Variants in GPR158 observed in about 807,000 individuals in gnomAD.
The protein encoded by GPR158 is G protein-coupled receptor 158.
GPR158 carries 30 observed loss-of-function variants against 78.2 expected under a neutral mutation model. The observed-to-expected ratio is 0.38, with a 90% confidence interval of 0.29 to 0.52. The LOEUF is 0.52. GPR158 is among the 20% of genes least tolerant of loss of function. The pLI is 0.83. For missense variants in GPR158, 1,463 were observed against 1,523.5 expected, an observed-to-expected ratio of 0.96 and a Z score of 0.66; for synonymous variants, 581 against 591.1, an observed-to-expected ratio of 0.98 and a Z score of 0.25.
intron 2 of GPR158, among the ~76,000 whole-genome samples, chr10:25,274,663 T>C (rs181674174): frequency 6.6e-6 from 1 of 152,320 alleles, no homozygotes; most frequent in Admixed American, 6.5e-5. Context: ...GTGCAGATGG[T>C]TTAAAAATTA....
intron 5 of GPR158, among the ~76,000 whole-genome samples, chr10:25,508,011 G>A (rs924533529): frequency 6.6e-6 from 1 of 152,130 alleles, no homozygotes; most frequent in Non-Finnish European, 1.5e-5. Flanking sequence ...AACAAAAAAG[G>A]CGGGATGATT....
intron 5 of GPR158, among the ~76,000 whole-genome samples, chr10:25,481,702 C>T (rs904149750): frequency 1.3e-5 from 2 of 152,172 alleles, no homozygotes; most frequent in African/African-American, 2.4e-5. Context: ...AATCGCCAAA[C>T]TCTTTTCCAA....
intron 2 of GPR158, among the ~76,000 whole-genome samples, chr10:25,254,630 A>G (rs1482077143): frequency 1.3e-5 from 2 of 152,200 alleles, no homozygotes; most frequent in Non-Finnish European, 2.9e-5. Context: ...ATATAACTGC[A>G]TTTAATTATA....
At chr10:25,429,694 G>C (rs1473434328) in intron 4 of GPR158, among the ~76,000 whole-genome samples, 1 of 150,372 alleles carries the variant, frequency 6.7e-6, no homozygotes, top group Admixed American at 6.7e-5. Flanking sequence ...TGGGATGCAA[G>C]GCTGGTTCAA....
At chr10:25,503,770 C>T (rs1304007349) in intron 5 of GPR158, among the ~76,000 whole-genome samples, 1 of 152,202 alleles carries the variant, frequency 6.6e-6, no homozygotes, top group Non-Finnish European at 1.5e-5. Context: ...ACAGCTCCCA[C>T]TCTCACTGTT....
intron 2 of GPR158, among the ~76,000 whole-genome samples, chr10:25,256,533 T>C (rs932665511): frequency 1.3e-5 from 2 of 151,754 alleles, no homozygotes; most frequent in African/African-American, 4.8e-5. Flanking sequence ...GTGGCACATG[T>C]GTATGCACAT....
intron 10 of GPR158, 55 bp downstream of exon 10, chr10:25,596,844 G>T: frequency 1.3e-6 from 2 of 1,525,168 alleles, no homozygotes; most frequent in Admixed American, 3.5e-5. Flanking sequence ...ATTTATACAG[G>T]CAGGCGTGTG....
chr10:25,550,907 T>C (rs529528014), intron 5 of GPR158, 69 bp from the exon 6 acceptor site: 1 of 792,534 alleles, frequency 1.3e-6, no homozygotes, highest in African/African-American at 1.7e-5. Context: ...CATCAGGTTA[T>C]GAGATATTGA....
Position 25,338,659 on chromosome 10 carries a change from T to C in GPR158, c.1009-57252T>C, listed in dbSNP as rs912316737. Among the ~76,000 whole-genome samples, 7 of 137,484 alleles carry C rather than the reference T, an allele frequency of 5.1e-5. No individual in the cohort carries two copies. In the East Asian group the frequency reaches 1.2e-3, roughly 24 times the overall value. 90.2% of individuals were successfully genotyped at this position (137,484 alleles called of 152,430 possible). A position where few individuals can be genotyped will look rare whatever the true frequency, so the allele number is the denominator to read the frequency against. On this transcript the variant is annotated intron_variant, in intron 2 of 10. Coordinates refer to ENST00000376351, the MANE Select transcript of GPR158 (RefSeq NM_020752.3). ...TGCTGTTTCATTTGTCTCCTTTTCA[T>C]CCTTGTATCAATACATCACAGTAGT... is the stretch of plus-strand genomic sequence containing the variant.
Position 25,599,413 on chromosome 10 carries a change from T to A in GPR158, c.*139T>A. 1 of 677,806 alleles carries A rather than the reference T, an allele frequency of 1.5e-6. No homozygotes were observed. Among genetic ancestry groups the A allele is most frequent in the Non-Finnish European group, 2.5e-6 (1 of 407,022 alleles). 42.0% of individuals were successfully genotyped at this position (677,806 alleles called of 1,614,324 possible). ...GGTGAGGTAAAGTCAAAGGCATGGG[T>A]AGAAGAGGACCAGGGGGGCAAGAGC... is the stretch of plus-strand genomic sequence containing the variant. On this transcript the variant is annotated 3_prime_UTR_variant, in exon 11 of 11. Coordinates refer to ENST00000376351, the MANE Select transcript of GPR158 (RefSeq NM_020752.3).
chr10:25,334,191 T>C (rs531215221), intron 2 of GPR158, among the ~76,000 whole-genome samples: 1 of 152,166 alleles, frequency 6.6e-6, no homozygotes, highest in African/African-American at 2.4e-5. Context: ...CAATTAGAAG[T>C]TAAAGTAGAT....
chr10:25,547,082 C>T (rs1025484707), intron 5 of GPR158, among the ~76,000 whole-genome samples: 1 of 152,090 alleles, frequency 6.6e-6, no homozygotes, highest in African/African-American at 2.4e-5. Flanking sequence ...CCATCAGTTG[C>T]CATTTGGGAA....
intron 1 of GPR158, among the ~76,000 whole-genome samples, chr10:25,183,065 C>T (rs1356280537): frequency 6.6e-6 from 1 of 152,156 alleles, no homozygotes; most frequent in Non-Finnish European, 1.5e-5. Context: ...CTTGCTTTAT[C>T]TGCTTTTCAG....
At chr10:25,209,456 G>A (rs1332128245) in intron 1 of GPR158, among the ~76,000 whole-genome samples, 2 of 145,204 alleles carry the variant, frequency 1.4e-5, no homozygotes. Context: ...CTTTACTTCT[G>A]TTTTTTTTTT....
intron 2 of GPR158, among the ~76,000 whole-genome samples, chr10:25,242,745 T>G (rs1369193465): frequency 6.6e-6 from 1 of 152,234 alleles, no homozygotes; most frequent in Non-Finnish European, 1.5e-5. Context: ...AGTGTACTTT[T>G]TTTTCCAATT....
chr10:25,241,279 T>TC lies in GPR158; in HGVS notation c.1008+20123dup, dbSNP rs1554787189. 3.6e-3 allele frequency among the ~76,000 whole-genome samples: 311 copies of TC among 86,688 alleles called. 10 individuals are homozygous for TC. Among genetic ancestry groups the TC allele is most frequent in the African/African-American group, 0.013 (237 of 17,744 alleles). The allele number at this position is 86,688 out of a possible 152,430, so 56.9% of individuals were successfully genotyped here. A position where few individuals can be genotyped will look rare whatever the true frequency, so the allele number is the denominator to read the frequency against. Reference sequence around the variant, plus strand: ...CTTTCCTTTCTTTCTTTCCTTTCTTTCTTTCTTTTCTTTTCTTTTCTTTTC... The same window carrying TC: ...CTTTCCTTTCTTTCTTTCCTTTCTTTCCTTTCTTTTCTTTTCTTTTCTTTTC... On this transcript the variant is annotated intron_variant, in intron 2 of 10. Transcript: ENST00000376351.
At chr10:25,405,706 G>A (rs1026734814) in intron 3 of GPR158, among the ~76,000 whole-genome samples, 1 of 151,668 alleles carries the variant, frequency 6.6e-6, no homozygotes. Flanking sequence ...TACTCTTTAA[G>A]TGCAGTGGTT....
chr10:25,596,596 G>A (rs1390756563), intron 9 of GPR158, 47 bp from the exon 10 acceptor site: 2 of 1,458,298 alleles, frequency 1.4e-6, no homozygotes, highest in East Asian at 2.3e-5. Context: ...TATATGCAAT[G>A]CGTTACAGTG....
In GPR158 at chr10:25,259,668, A is replaced by G. The variant is rs145031386; in HGVS notation, c.1008+38511A>G. Among the ~76,000 whole-genome samples, 91 of 152,292 alleles carry G rather than the reference A, an allele frequency of 6.0e-4. 1 individual carries two copies. The East Asian group carries it at 0.015, about 26-fold the overall frequency. ...ACTTCGAATTTGATTGAATTGTGTT[A>G]TATCCATATAGGGAGAACTAACATT... On this transcript the variant is annotated intron_variant, in intron 2 of 10. Transcript: ENST00000376351.
Sources: gnomAD v4.1 joint callset for allele counts (sites outside exome capture counted in the v4.1 genomes callset) on GRCh38, gnomAD v4.1.1 for gene constraint, MANE v1.5 for transcripts, NCBI Gene and HGNC (gene_info 2026-07-23, HGNC 2026-07-21) for gene names.